The following ASTN1 variants were observed in gnomAD, a reference collection of about 807,000 sequenced individuals.
ASTN1 encodes astrotactin-1.
Under a neutral mutation model 140.7 loss-of-function variants are expected in ASTN1, and 41 were observed. That is an observed-to-expected ratio of 0.29 (90% CI 0.23 to 0.38). The LOEUF is 0.38. Among genes scored for constraint, ASTN1 ranks in the 10% least tolerant of loss-of-function variants. The probability of loss-of-function intolerance (pLI) is 1.00; values close to 1 mark genes in which losing one functional copy is unlikely to be tolerated. For missense variants in ASTN1, 1,479 were observed against 1,678.8 expected, an observed-to-expected ratio of 0.88 and a Z score of 2.08; for synonymous variants, 640 against 652.2, an observed-to-expected ratio of 0.98 and a Z score of 0.29.
rs570875938 is a variant in ASTN1, at chr1:176,980,325, C to T, written c.1524-15088G>A. On this transcript the variant is annotated intron_variant, in intron 8 of 22. Coordinates refer to ENST00000361833, the MANE Select transcript of ASTN1 (RefSeq NM_004319.3). ...AGTTAGATCTGAGGTTTGAGGCTGACAGGGAGGGTCTGGGAAAGAGCTGAG... is the reference window on the plus strand; with the variant it reads ...AGTTAGATCTGAGGTTTGAGGCTGATAGGGAGGGTCTGGGAAAGAGCTGAG... Among the ~76,000 whole-genome samples, 4 of 152,154 alleles carry T rather than the reference C, an allele frequency of 2.6e-5. No homozygotes were observed. The South Asian group carries it at 8.3e-4, about 32-fold the overall frequency.
intron 3 of ASTN1, among the ~76,000 whole-genome samples, chr1:177,031,650 C>G (rs1183573621): frequency 6.6e-6 from 1 of 152,146 alleles, no homozygotes; most frequent in Non-Finnish European, 1.5e-5. Context: ...TTTCAAGCCC[C>G]ACTGAAAGTC....
chr1:176,970,014 C>T (rs117414134), intron 8 of ASTN1, among the ~76,000 whole-genome samples: 3 of 152,316 alleles, frequency 2.0e-5, no homozygotes, highest in East Asian at 1.9e-4. Flanking sequence ...CACATGGAAA[C>T]GCGTATGCTG....
chr1:176,936,145 A>G (rs1557972633), intron 15 of ASTN1, 121 bp downstream of exon 15: 3 of 824,320 alleles, frequency 3.6e-6, no homozygotes, highest in South Asian at 2.9e-5. Flanking sequence ...TAGCTCACAC[A>G]TCTCATGCAA....
At chr1:176,883,398 G>A (rs1272020536) in intron 19 of ASTN1, among the ~76,000 whole-genome samples, 1 of 152,072 alleles carries the variant, frequency 6.6e-6, no homozygotes, top group Non-Finnish European at 1.5e-5. Flanking sequence ...GTTTCACCAT[G>A]TTGGTCAGGA....
chr1:177,072,006 T>G (rs1317422574), intron 1 of ASTN1, among the ~76,000 whole-genome samples: 1 of 152,110 alleles, frequency 6.6e-6, no homozygotes, highest in Non-Finnish European at 1.5e-5. Context: ...CTTTACAGAA[T>G]TAGAAACCAG....
intron 8 of ASTN1, among the ~76,000 whole-genome samples, chr1:177,013,933 C>A (rs2101938114): frequency 6.6e-6 from 1 of 152,088 alleles, no homozygotes; most frequent in South Asian, 2.1e-4. Flanking sequence ...GTAAACCCAG[C>A]ACTTTGGGAG....
rs1467903412 is a variant in ASTN1 at position 176,958,328 on chromosome 1, C to G, written c.1736+17G>C. On this transcript the variant is annotated intron_variant, in intron 10 of 22. Transcript: ENST00000361833. ...TCCCAAGCCAATTGCAGGCCTCAGT[C>G]CTGAAGCCAGACTCACCTGACCTCC... The G allele has an allele frequency of 1.9e-6, 3 of 1,613,790 alleles. No individual in the cohort carries two copies.
At chr1:176,887,836 G>A (rs1669101073) in intron 18 of ASTN1, among the ~76,000 whole-genome samples, 1 of 152,152 alleles carries the variant, frequency 6.6e-6, no homozygotes, top group South Asian at 2.1e-4. Context: ...CGTCAGTTCA[G>A]ACTTGACCAT....
At chr1:176,861,028 C>G (rs1667943386), downstream of ASTN1, 1 of 917,860 alleles carries the variant, frequency 1.1e-6, no homozygotes, top group South Asian at 5.0e-5. Context: ...CTAACCAGTT[C>G]ACTCAGATTA....
At chr1:176,954,539 G>A (rs908612440) in intron 11 of ASTN1, among the ~76,000 whole-genome samples, 4 of 152,200 alleles carry the variant, frequency 2.6e-5, no homozygotes, top group Non-Finnish European at 5.9e-5. Context: ...CAATAAATAT[G>A]TGTAACTTAT....
In ASTN1 at chr1:177,059,449, A is replaced by C. The variant is rs540847874; in HGVS notation, c.471+1629T>G. Reference sequence around the variant, plus strand: ...TTTAATAAGAAGATGCAAGTACTGGAACTCCCATGCTATAAACCTTGATTA... The same window carrying C: ...TTTAATAAGAAGATGCAAGTACTGGCACTCCCATGCTATAAACCTTGATTA... On this transcript the variant is annotated intron_variant, in intron 2 of 22. Transcript: ENST00000361833. Among the ~76,000 whole-genome samples, 5 of 152,310 alleles carry C rather than the reference A, an allele frequency of 3.3e-5. No homozygotes were observed. The East Asian group carries it at 9.7e-4, about 29-fold the overall frequency.
In ASTN1 at chr1:176,921,685, T is replaced by C. The variant is rs564878456; in HGVS notation, c.2671+12467A>G. ...CTTGTGTTTAATCACTTGGTTTTTA[T>C]GTCCAGCCTGTTCTTTTAATGCCAA... On this transcript the variant is annotated intron_variant, in intron 16 of 22. Transcript: ENST00000361833. Among the ~76,000 whole-genome samples, 274 of 152,336 alleles carry C rather than the reference T, an allele frequency of 1.8e-3. 1 individual carries two copies. Among genetic ancestry groups the C allele is most frequent in the Non-Finnish European group, 3.0e-3 (205 of 68,040 alleles).
intron 14 of ASTN1, among the ~76,000 whole-genome samples, chr1:176,941,395 A>G (rs1228914650): frequency 2.6e-5 from 4 of 152,322 alleles, no homozygotes; most frequent in Admixed American, 2.6e-4. Flanking sequence ...CAAGATTCCC[A>G]TAGTTTTAGC....
intron 20 of ASTN1, among the ~76,000 whole-genome samples, chr1:176,879,347 C>CT (rs1668694107): frequency 6.6e-6 from 1 of 152,152 alleles, no homozygotes; most frequent in Admixed American, 6.5e-5. Flanking sequence ...CAGGTCAGGG[C>CT]TGCAGTCTGG....
chr1:177,085,284 T>A (rs1416214912), intron 1 of ASTN1, among the ~76,000 whole-genome samples: 1 of 152,172 alleles, frequency 6.6e-6, no homozygotes, highest in Non-Finnish European at 1.5e-5. Context: ...TTCTAGTGCT[T>A]CCTGACAACT....
chr1:177,104,723 T>C (rs1680468530), intron 1 of ASTN1, among the ~76,000 whole-genome samples: 1 of 152,152 alleles, frequency 6.6e-6, no homozygotes, highest in African/African-American at 2.4e-5. Flanking sequence ...AATAGTAGAG[T>C]GAAATGAATG....
chr1:177,143,854 T>C (rs1157363474), intron 1 of ASTN1, among the ~76,000 whole-genome samples: 1 of 152,154 alleles, frequency 6.6e-6, no homozygotes, highest in Non-Finnish European at 1.5e-5. Flanking sequence ...TTTCTTAGTT[T>C]TCATCATCGT....
chr1:176,929,123 G>C (rs1671094460), intron 16 of ASTN1, among the ~76,000 whole-genome samples: 1 of 152,214 alleles, frequency 6.6e-6, no homozygotes, highest in Non-Finnish European at 1.5e-5. Context: ...ACTTGGGGTA[G>C]GTAGCAGTCA....
At chr1:176,926,288 C>CAA in intron 16 of ASTN1, among the ~76,000 whole-genome samples, 1 of 131,162 alleles carries the variant, frequency 7.6e-6, no homozygotes, top group Non-Finnish European at 1.7e-5. Context: ...AGTGCCTGCT[C>CAA]AAAAAAAAAA....
Sources: allele counts gnomAD v4.1 joint callset (sites outside exome capture counted in the v4.1 genomes callset), GRCh38; gene constraint gnomAD v4.1.1; transcripts MANE v1.5; gene names NCBI Gene and HGNC (gene_info 2026-07-23, HGNC 2026-07-21).